SLIT3: variants seen among roughly 807,000 people sequenced by gnomAD.
The protein encoded by SLIT3 is slit guidance ligand 3, also known as slit homolog 3 protein.
SLIT3 carries 68 observed loss-of-function variants against 184.0 expected under a neutral mutation model. The observed-to-expected ratio is 0.37, with a 90% CI of 0.30 to 0.45. The LOEUF (loss-of-function observed/expected upper bound fraction) is 0.45, where lower values mean the gene tolerates loss of function less well. Ranked by LOEUF, SLIT3 falls within the 20% of genes least tolerant of loss-of-function variation. The pLI, the probability that SLIT3 is intolerant of heterozygous loss-of-function variation, is 1.00. For missense variants in SLIT3, 1,707 were observed against 2,026.0 expected (o/e 0.84, Z 3.02); for synonymous variants, 831 against 828.6 (o/e 1.00, Z -0.05).
At chr5:169,060,690 G>A (rs2113093436) in intron 4 of SLIT3, among the ~76,000 whole-genome samples, 1 of 152,330 alleles carries the variant, frequency 6.6e-6, no homozygotes, top group Middle Eastern at 3.4e-3. Context: ...GCTCCTGGGG[G>A]AATTTCAGCC....
intron 4 of SLIT3, among the ~76,000 whole-genome samples, chr5:169,117,875 C>G (rs1053457563): frequency 6.6e-6 from 1 of 152,200 alleles, no homozygotes; most frequent in Admixed American, 6.5e-5. Flanking sequence ...ACGTGACACC[C>G]AAGAACAGGC....
chr5:169,040,155 C>A (rs994631981), intron 4 of SLIT3, among the ~76,000 whole-genome samples: 1 of 152,174 alleles, frequency 6.6e-6, no homozygotes, highest in African/African-American at 2.4e-5. Flanking sequence ...TTTCATTCAA[C>A]TTTTGGGACA....
chr5:168,814,481 G>A (rs2113650301), intron 8 of SLIT3, among the ~76,000 whole-genome samples: 1 of 152,276 alleles, frequency 6.6e-6, no homozygotes, highest in East Asian at 1.9e-4. Flanking sequence ...GATGCCTTGT[G>A]GGGCTCAGGC....
At chr5:169,233,787 C>T (rs1431501428) in intron 3 of SLIT3, among the ~76,000 whole-genome samples, 1 of 152,044 alleles carries the variant, frequency 6.6e-6, no homozygotes, top group Non-Finnish European at 1.5e-5. Flanking sequence ...TTTGGCTCCT[C>T]TCTCTCCTTC....
At chr5:168,865,622 G>A (rs1397783687) in intron 5 of SLIT3, among the ~76,000 whole-genome samples, 1 of 152,192 alleles carries the variant, frequency 6.6e-6, no homozygotes, top group African/African-American at 2.4e-5. Flanking sequence ...CATTTTGGTG[G>A]TGGTTACATG....
chr5:168,929,433 C>T (rs1001671061), intron 4 of SLIT3, among the ~76,000 whole-genome samples: 1 of 152,176 alleles, frequency 6.6e-6, no homozygotes, highest in African/African-American at 2.4e-5. Context: ...CTTCCTTTTA[C>T]TGATGAGGAA....
At chr5:169,078,563 T>C (rs1758838348) in intron 4 of SLIT3, among the ~76,000 whole-genome samples, 1 of 152,198 alleles carries the variant, frequency 6.6e-6, no homozygotes, top group South Asian at 2.1e-4. Flanking sequence ...ACTCATTTCC[T>C]TGTTTTCCTT....
chr5:168,818,217 G>C (rs1341518365), intron 7 of SLIT3, among the ~76,000 whole-genome samples: 1 of 152,088 alleles, frequency 6.6e-6, no homozygotes, highest in East Asian at 1.9e-4. Context: ...TTCAGGTATG[G>C]CTGAAAATAT....
At chr5:168,709,394 A>G (rs972128392) in intron 25 of SLIT3, among the ~76,000 whole-genome samples, 1 of 152,062 alleles carries the variant, frequency 6.6e-6, no homozygotes, top group African/African-American at 2.4e-5. Context: ...CCGTGCCCGG[A>G]CCCTGGCTGC....
chr5:168,823,037 C>T lies in SLIT3; in HGVS notation c.629+223G>A, dbSNP rs140900749. 6.5e-3 allele frequency among the ~76,000 whole-genome samples: 985 copies of T among 152,242 alleles called. 10 individuals carry two copies. The highest frequency in any genetic ancestry group is 0.022 in the African/African-American group (925 of 41,538). ...GGGTAAGAGAAATGAGTCTGTCTGA[C>T]GCAGAACGGTGGTTCAGAACCATGG... On this transcript the variant is annotated intron_variant, in intron 7 of 35. Coordinates refer to ENST00000519560, the MANE Select transcript of SLIT3 (RefSeq NM_003062.4).
intron 3 of SLIT3, among the ~76,000 whole-genome samples, chr5:169,228,635 G>A (rs998664178): frequency 1.3e-5 from 2 of 152,076 alleles, no homozygotes; most frequent in African/African-American, 2.4e-5. Flanking sequence ...TGGTCTCTGC[G>A]CCTCTAAAAC....
chr5:168,746,058 C>T (rs559118587), intron 20 of SLIT3, among the ~76,000 whole-genome samples: 110 of 152,302 alleles, frequency 7.2e-4, no homozygotes, highest in Non-Finnish European at 1.1e-3. Context: ...TAATAGACTA[C>T]GGTATAGTAT....
chr5:169,031,815 C>A (rs575572061), intron 4 of SLIT3, among the ~76,000 whole-genome samples: 1 of 152,242 alleles, frequency 6.6e-6, no homozygotes, highest in African/African-American at 2.4e-5. Flanking sequence ...GTCTGGAGAA[C>A]AAATTGGAGT....
At chr5:169,105,729 T>C (rs1385342417) in intron 4 of SLIT3, among the ~76,000 whole-genome samples, 4 of 152,208 alleles carry the variant, frequency 2.6e-5, no homozygotes, top group African/African-American at 7.2e-5. Context: ...GTTCCTGCAT[T>C]AGTTTGCTGA....
chr5:168,751,251 G>A (rs1036798441), intron 18 of SLIT3, among the ~76,000 whole-genome samples: 24 of 152,192 alleles, frequency 1.6e-4, no homozygotes, highest in African/African-American at 5.5e-4. Flanking sequence ...AAGTGCAGTA[G>A]GCATAGGGCA....
chr5:169,032,384 A>C (rs1757058110), intron 4 of SLIT3, among the ~76,000 whole-genome samples: 1 of 152,170 alleles, frequency 6.6e-6, no homozygotes, highest in East Asian at 1.9e-4. Context: ...TATGCTAGAA[A>C]CTTTACAATT....
chr5:168,810,854 G>C (rs1486573172), intron 8 of SLIT3, among the ~76,000 whole-genome samples: 1 of 152,082 alleles, frequency 6.6e-6, no homozygotes, highest in African/African-American at 2.4e-5. Flanking sequence ...AGAGGGGAGG[G>C]ATGCGTCTCC....
chr5:168,814,383 T>A (rs991730798), intron 8 of SLIT3, among the ~76,000 whole-genome samples: 3 of 148,064 alleles, frequency 2.0e-5, no homozygotes. Context: ...GTAACAAGAA[T>A]GAAACTGTCT....
chr5:169,089,897 T>A (rs574940309), intron 4 of SLIT3, among the ~76,000 whole-genome samples: 1 of 152,204 alleles, frequency 6.6e-6, no homozygotes, highest in Admixed American at 6.5e-5. Flanking sequence ...GGCACGATGA[T>A]CCTTCCTACC....
Sources: gnomAD v4.1 joint callset for allele counts (sites outside exome capture counted in the v4.1 genomes callset) on GRCh38, gnomAD v4.1.1 for gene constraint, MANE v1.5 for transcripts, NCBI Gene and HGNC (gene_info 2026-07-23, HGNC 2026-07-21) for gene names.